The following ILDR2 variants were observed in gnomAD, a reference collection of about 807,000 sequenced individuals.
ILDR2 encodes immunoglobulin like domain containing receptor 2, also known as immunoglobulin-like domain-containing receptor 2.
In ILDR2, 25 loss-of-function variants were observed where a neutral mutation model predicts 66.8. That is an observed-to-expected ratio of 0.37 (90% CI 0.27 to 0.52). The LOEUF is 0.52. Ranked by LOEUF, ILDR2 falls within the 20% of genes least tolerant of loss-of-function variation. The probability of loss-of-function intolerance (pLI) is 0.88; values close to 1 mark genes in which losing one functional copy is unlikely to be tolerated. For synonymous variants in ILDR2, 367 were observed against 357.2 expected, an observed-to-expected ratio of 1.03 and a Z score of -0.31; for missense variants, 827 against 876.8, an observed-to-expected ratio of 0.94 and a Z score of 0.72.
intron 3 of ILDR2, among the ~76,000 whole-genome samples, chr1:166,956,364 A>G (rs1167414607): frequency 6.6e-6 from 1 of 152,234 alleles, no homozygotes; most frequent in Non-Finnish European, 1.5e-5. Context: ...GTGAATTCTT[A>G]TCTGTGTAAT....
Position 166,949,780 on chromosome 1 carries a change from A to AT in ILDR2, c.499+6952dup, listed in dbSNP as rs568585163. On this transcript the variant is annotated intron_variant, in intron 3 of 9. Coordinates refer to ENST00000271417, the MANE Select transcript of ILDR2 (RefSeq NM_199351.3). ...TCCCTCTCCTCCATCCCTTCAATGC[A>AT]TTTTTTTTCTGGTTCTTTTTAAAAA... Among the ~76,000 whole-genome samples, 58 of 151,968 alleles carry AT rather than the reference A, an allele frequency of 3.8e-4. No individual in the cohort carries two copies. In the South Asian group the frequency reaches 4.6e-3, roughly 12 times the overall value.
chr1:166,973,621 C>CCCCCCT (rs1557963422), intron 1 of ILDR2, among the ~76,000 whole-genome samples: 5 of 134,424 alleles, frequency 3.7e-5, no homozygotes, highest in African/African-American at 1.3e-4. Flanking sequence ...CTCCCCCCCC[C>CCCCCCT]CCCCGATGCC....
At chr1:166,896,644 T>C (rs1659172055) in intron 2 of ILDR2, among the ~76,000 whole-genome samples, 1 of 150,840 alleles carries the variant, frequency 6.6e-6, no homozygotes, top group African/African-American at 2.4e-5. Flanking sequence ...ACTTTTTTTT[T>C]TTTTTTTTGA....
intron 3 of ILDR2, among the ~76,000 whole-genome samples, chr1:166,942,039 C>A (rs943829565): frequency 2.0e-5 from 3 of 152,164 alleles, no homozygotes; most frequent in Admixed American, 6.5e-5. Flanking sequence ...TTACTACAGG[C>A]AAATTACTTT....
At chr1:166,905,954 T>C (rs1449436318), downstream of ILDR2, among the ~76,000 whole-genome samples, 1 of 152,164 alleles carries the variant, frequency 6.6e-6, no homozygotes, top group Non-Finnish European at 1.5e-5. Flanking sequence ...AGGAATCAGT[T>C]TTTTGGCAAG....
intron 6 of ILDR2, among the ~76,000 whole-genome samples, chr1:166,934,534 G>T (rs1660829007): frequency 6.6e-6 from 1 of 152,030 alleles, no homozygotes; most frequent in South Asian, 2.1e-4. Context: ...CTTTGTCATG[G>T]TGCCACCTCT....
chr1:166,902,304 T>C (rs1659278719), intron 2 of ILDR2, among the ~76,000 whole-genome samples: 1 of 152,244 alleles, frequency 6.6e-6, no homozygotes, highest in Non-Finnish European at 1.5e-5. Flanking sequence ...TAACATAAAC[T>C]CTGAATCAAC....
At chr1:166,900,961 T>A (rs1359231256) in intron 2 of ILDR2, among the ~76,000 whole-genome samples, 18 of 152,214 alleles carry the variant, frequency 1.2e-4, no homozygotes, top group Admixed American at 1.0e-3. Flanking sequence ...TTTACTCTGA[T>A]GTTTAAAATC....
intron 1 of ILDR2, among the ~76,000 whole-genome samples, chr1:166,966,902 A>G (rs1487831374): frequency 1.3e-5 from 2 of 152,152 alleles, no homozygotes; most frequent in Non-Finnish European, 2.9e-5. Context: ...TGTTATCTGT[A>G]TCTCCTGTCT....
intron 1 of ILDR2, among the ~76,000 whole-genome samples, chr1:166,974,929 C>G (rs1290594591): frequency 6.6e-6 from 1 of 152,116 alleles, no homozygotes; most frequent in African/African-American, 2.4e-5. Flanking sequence ...GAAATGCATT[C>G]GAAAGAACAA....
intron 3 of ILDR2, among the ~76,000 whole-genome samples, chr1:166,941,864 G>A (rs1429578614): frequency 1.3e-5 from 2 of 152,030 alleles, no homozygotes; most frequent in East Asian, 3.9e-4. Flanking sequence ...CTACCAATTC[G>A]TGGGCTCCTA....
At chr1:166,941,555 T>G (rs1661312623) in intron 3 of ILDR2, among the ~76,000 whole-genome samples, 1 of 152,212 alleles carries the variant, frequency 6.6e-6, no homozygotes, top group Admixed American at 6.5e-5. Context: ...TTTGGGAATT[T>G]GGGCTCCTGG....
At chr1:166,922,451 C>A in intron 8 of ILDR2, 142 bp downstream of exon 8, 1 of 699,722 alleles carries the variant, frequency 1.4e-6, no homozygotes, top group African/African-American at 1.8e-5. Flanking sequence ...GTTCAATATC[C>A]TGTAGAAAGA....
At position 166,909,774 on chromosome 1, in the gene ILDR2, T is replaced by TATAA. The variant is rs1553224654; in HGVS notation, c.*9580_*9581insTTAT. 1 of 35,448 alleles carries TATAA rather than the reference T, an allele frequency of 2.8e-5. No individual in the cohort carries two copies. Among genetic ancestry groups the TATAA allele is most frequent in the African/African-American group, 1.3e-4 (1 of 7,438 alleles). The allele number at this position is 35,448 out of a possible 1,614,324, so 2.2% of individuals were successfully genotyped here. On this transcript the variant is annotated 3_prime_UTR_variant, in exon 10 of 10. Coordinates refer to ENST00000271417, the MANE Select transcript of ILDR2 (RefSeq NM_199351.3). Reference sequence around the variant, plus strand: ...ATATATATATAAATATATATAAATATATATATTTATATATATATATATATA... The same window carrying TATAA: ...ATATATATATAAATATATATAAATATATAAATATATTTATATATATATATATATA...
rs759008405 is a variant in ILDR2 at position 166,920,678 on chromosome 1, C to T, written c.1884+29G>A. 6 of 1,359,190 alleles carry T rather than the reference C, an allele frequency of 4.4e-6. 1 individual carries two copies. The South Asian group carries it at 1.2e-4, about 26-fold the overall frequency. 84.2% of individuals were successfully genotyped at this position (1,359,190 alleles called of 1,614,324 possible). ...CCTGGAGGCTCCCGCTCAGTCCCCT[C>T]GGAGGAGGGGAGGCAGACGCAGTCT... On this transcript the variant is annotated intron_variant, in intron 9 of 9. Transcript: ENST00000271417.
Position 166,921,202 on chromosome 1 carries a change from C to G in ILDR2, c.1389G>C (p.Arg463=). Residue 463 remains arginine (R), a synonymous_variant, in exon 9 of 10, where the codon CGG becomes CGC. Coordinates refer to ENST00000271417, the MANE Select transcript of ILDR2 (RefSeq NM_199351.3). The surrounding 1 kb of genome is among the most constrained non-coding windows in gnomAD (Gnocchi z 5.3). The part of the protein sequence containing the change: ...GGSRFERSES[R]AHSGFYQDDS... ...CGTCCTGGTAGAAGCCGCTGTGCGCCCGCGACTCCGAGCGCTCGAAGCGGC... is the reference window on the plus strand; with the variant it reads ...CGTCCTGGTAGAAGCCGCTGTGCGCGCGCGACTCCGAGCGCTCGAAGCGGC... 6.3e-7 allele frequency: 1 copy of G among 1,584,036 alleles called. No homozygotes were observed. Among genetic ancestry groups the G allele is most frequent in the Non-Finnish European group, 8.5e-7 (1 of 1,171,950 alleles).
chr1:166,969,730 A>C (rs575307919), intron 1 of ILDR2, among the ~76,000 whole-genome samples: 71 of 152,362 alleles, frequency 4.7e-4, no homozygotes, highest in African/African-American at 1.6e-3. Context: ...GACACCATGT[A>C]TGTTCACCTA....
At chr1:166,953,424 T>C (rs774334903) in intron 3 of ILDR2, among the ~76,000 whole-genome samples, 9 of 152,212 alleles carry the variant, frequency 5.9e-5, no homozygotes, top group African/African-American at 1.4e-4. Context: ...TTCTTAACTT[T>C]GCCTCTAATT....
intron 3 of ILDR2, among the ~76,000 whole-genome samples, chr1:166,953,793 C>T (rs1662122526): frequency 6.6e-6 from 1 of 152,160 alleles, no homozygotes; most frequent in Non-Finnish European, 1.5e-5. Context: ...AAACCAAGAA[C>T]TTTACAATAG....
Sources: gnomAD v4.1 joint callset for allele counts (sites outside exome capture counted in the v4.1 genomes callset) on GRCh38, gnomAD v4.1.1 for gene constraint, Gnocchi (gnomAD v3.1) non-coding constraint, MANE v1.5 for transcripts, NCBI Gene and HGNC (gene_info 2026-07-23, HGNC 2026-07-21) for gene names.